Variants in SNX8 observed in about 807,000 individuals in gnomAD.
SNX8 encodes the protein sorting nexin 8, also known as sorting nexin-8.
Under a neutral mutation model 51.6 loss-of-function variants are expected in SNX8, and 25 were observed. The observed-to-expected ratio is 0.48, with a 90% CI of 0.35 to 0.68. The LOEUF is 0.68. SNX8 is among the 30% of genes least tolerant of loss of function. The pLI is 0.00. For missense variants in SNX8, 695 were observed against 624.0 expected (o/e 1.11, Z -1.21); for synonymous variants, 324 against 277.0 (o/e 1.17, Z -1.68).
At chr7:2,297,378 C>T (rs1054744560) in intron 1 of SNX8, among the ~76,000 whole-genome samples, 2 of 151,406 alleles carry the variant, frequency 1.3e-5, no homozygotes, top group Non-Finnish European at 2.9e-5. Context: ...TGGTGAAACC[C>T]CATCTCTACT....
intron 7 of SNX8, among the ~76,000 whole-genome samples, chr7:2,259,304 G>A (rs937222675): frequency 2.0e-5 from 3 of 152,152 alleles, no homozygotes; most frequent in Admixed American, 2.0e-4. Flanking sequence ...TCACACCCGG[G>A]CCCTGAAGGG....
rs930980024 is a variant in SNX8, at chr7:2,273,550, C to G, written c.418+1562G>C. On this transcript the variant is annotated intron_variant, in intron 3 of 10. Transcript: ENST00000222990. ...GCAGTGAGCCGAGACCGCACCACTGCACTCCAGCCTGGGTGACACGGCGAG... is the reference window on the plus strand; with the variant it reads ...GCAGTGAGCCGAGACCGCACCACTGGACTCCAGCCTGGGTGACACGGCGAG... Among the ~76,000 whole-genome samples the G allele has an allele frequency of 7.4e-5, 11 of 149,160 alleles. No individual in the cohort carries two copies. In the Admixed American group the frequency reaches 7.4e-4, roughly 10 times the overall value.
chr7:2,292,364 G>A (rs1171893255), intron 1 of SNX8, among the ~76,000 whole-genome samples: 1 of 151,610 alleles, frequency 6.6e-6, no homozygotes, highest in Non-Finnish European at 1.5e-5. Context: ...AAAACTCTTA[G>A]CAGAAAATAT....
At chr7:2,279,896 G>T (rs1373544290) in intron 1 of SNX8, among the ~76,000 whole-genome samples, 1 of 152,082 alleles carries the variant, frequency 6.6e-6, no homozygotes, top group Non-Finnish European at 1.5e-5. Flanking sequence ...ATATGTACAA[G>T]TTTTGTGTGA....
chr7:2,283,077 C>T (rs1174749472), intron 1 of SNX8, among the ~76,000 whole-genome samples: 3 of 151,602 alleles, frequency 2.0e-5, no homozygotes, highest in East Asian at 1.9e-4. Context: ...GCAGAGATCG[C>T]GCCACTGCAC....
chr7:2,296,869 G>T (rs567163037), intron 1 of SNX8, among the ~76,000 whole-genome samples: 3 of 151,886 alleles, frequency 2.0e-5, no homozygotes, highest in Non-Finnish European at 2.9e-5. Flanking sequence ...GGCAGAGGTT[G>T]CAGTGAGCTG....
At chr7:2,273,861 A>G (rs1007350287) in intron 3 of SNX8, among the ~76,000 whole-genome samples, 2 of 151,794 alleles carry the variant, frequency 1.3e-5, no homozygotes, top group Non-Finnish European at 2.9e-5. Context: ...CCGAGATTGC[A>G]CCACTGCACT....
intron 1 of SNX8, among the ~76,000 whole-genome samples, chr7:2,284,779 A>C (rs1452932723): frequency 6.6e-6 from 1 of 152,154 alleles, no homozygotes. Context: ...CACTGAAATC[A>C]AATGAAAGAC....
intron 1 of SNX8, among the ~76,000 whole-genome samples, chr7:2,321,903 T>G (rs1242148558): frequency 6.6e-6 from 1 of 151,828 alleles, no homozygotes; most frequent in Non-Finnish European, 1.5e-5. Flanking sequence ...TTCGTATTTT[T>G]AGTAGAGACA....
Position 2,263,303 on chromosome 7 carries a change from C to T in SNX8, c.842G>A (p.Trp281Ter). 1 of 1,613,846 alleles carries T rather than the reference C, an allele frequency of 6.2e-7. No individual in the cohort carries two copies. Among genetic ancestry groups the T allele is most frequent in the Non-Finnish European group, 8.5e-7 (1 of 1,179,964 alleles). The change falls in exon 7 of 11, where the codon TGG becomes TAG. Residue 281 changes from tryptophan to a stop codon, truncating the protein, a stop_gained. Transcript: ENST00000222990. LOFTEE classifies it high-confidence loss of function. ...PSWAALNSST[W>*]GSLKQALKGL... ...TTTCAGAGCCTGCTTCAGGGACCCCCACGTGCTGCTATTCAGAGCGGCCCA... is the reference window on the plus strand; with the variant it reads ...TTTCAGAGCCTGCTTCAGGGACCCCTACGTGCTGCTATTCAGAGCGGCCCA...
At chr7:2,306,694 T>C (rs1796551843) in intron 1 of SNX8, among the ~76,000 whole-genome samples, 2 of 152,200 alleles carry the variant, frequency 1.3e-5, no homozygotes, top group Admixed American at 6.6e-5. Flanking sequence ...AAAGGAAATA[T>C]ATTAAAATGC....
In SNX8 at chr7:2,256,962, T is replaced by A. The variant is rs774908819; in HGVS notation, c.1196A>T (p.Gln399Leu). The A allele has an allele frequency of 5.6e-6, 9 of 1,613,662 alleles. 1 individual carries two copies. In the South Asian group the frequency reaches 9.9e-5, roughly 18 times the overall value. ...RNYFSLYCLH[Q>L]ETQLIHVYLP... ...GTAGACGTGGATGAGCTGCGTCTCC[T>A]GGTGCAGGCAGTACAGGGAGAAGTA... Residue 399 changes from glutamine (Q) to leucine (L), a missense_variant, in exon 10 of 11, where the codon CAG becomes CTG. Physicochemically the swap from Gln to Leu is moderately radical, Grantham distance 113. Transcript: ENST00000222990.
intron 1 of SNX8, chr7:2,287,894 GA>G (rs372127586): frequency 0.035 from 4,705 of 132,792 alleles, 97 homozygotes; most frequent in Middle Eastern, 0.11. Flanking sequence ...TGGGCGAGCA[GA>G]AAAAAAAAAA....
intron 1 of SNX8, among the ~76,000 whole-genome samples, chr7:2,293,556 G>A (rs1796202313): frequency 6.6e-6 from 1 of 151,528 alleles, no homozygotes; most frequent in South Asian, 2.1e-4. Context: ...CAGCTACTCG[G>A]AAGGCTGAAG....
At chr7:2,296,210 C>T (rs374997732) in intron 1 of SNX8, among the ~76,000 whole-genome samples, 1 of 151,158 alleles carries the variant, frequency 6.6e-6, no homozygotes, top group Admixed American at 6.6e-5. Flanking sequence ...TCCCTGAGCA[C>T]GGGATGTTTT....
chr7:2,270,314 C>CAAA (rs57983721), intron 4 of SNX8, among the ~76,000 whole-genome samples: 15,909 of 57,034 alleles, frequency 0.28, 6,292 homozygotes, highest in East Asian at 0.5. Flanking sequence ...TCTCATTTTA[C>CAAA]AAAAAAAAAA....
intron 1 of SNX8, among the ~76,000 whole-genome samples, chr7:2,304,987 G>A (rs1173721995): frequency 6.6e-6 from 1 of 152,202 alleles, no homozygotes; most frequent in Non-Finnish European, 1.5e-5. Context: ...CCAGAGAGCT[G>A]CTTTTGGCTT....
At chr7:2,320,211 C>A (rs924461888) in intron 1 of SNX8, among the ~76,000 whole-genome samples, 9 of 151,412 alleles carry the variant, frequency 5.9e-5, no homozygotes, top group African/African-American at 1.9e-4. Context: ...CAAAATTAGC[C>A]GGGCATGGTG....
chr7:2,270,314 CAAAAAAAAA>C (rs57983721), intron 4 of SNX8, among the ~76,000 whole-genome samples: 72 of 57,086 alleles, frequency 1.3e-3, no homozygotes, highest in Admixed American at 3.2e-3. Context: ...TCTCATTTTA[CAAAAAAAAA>C]AAAAAAAAAA....
Sources: allele counts gnomAD v4.1 joint callset (sites outside exome capture counted in the v4.1 genomes callset), GRCh38; gene constraint gnomAD v4.1.1; transcripts MANE v1.5; gene names NCBI Gene and HGNC (gene_info 2026-07-23, HGNC 2026-07-21).